Variants in IMMP2L observed in about 807,000 individuals in gnomAD.
IMMP2L encodes the protein inner mitochondrial membrane peptidase subunit 2, also known as mitochondrial inner membrane protease subunit 2.
In IMMP2L, 18 loss-of-function variants were observed where a neutral mutation model predicts 19.3. The ratio of observed to expected loss-of-function variants is 0.93; its 90% CI spans 0.64 to 1.38. The LOEUF is 1.38. Ranked by LOEUF, IMMP2L falls within the 40% of genes most tolerant of loss-of-function variation. The pLI is 0.00. For missense variants in IMMP2L, 233 were observed against 218.2 expected, an observed-to-expected ratio of 1.07 and a Z score of -0.43; for synonymous variants, 76 against 73.0, an observed-to-expected ratio of 1.04 and a Z score of -0.21.
intron 4 of IMMP2L, among the ~76,000 whole-genome samples, chr7:110,904,258 T>C (rs1026632653): frequency 2.0e-5 from 3 of 152,218 alleles, no homozygotes; most frequent in Non-Finnish European, 2.9e-5. Context: ...TTAGTTGACA[T>C]AGTGCCACTC....
At chr7:111,168,963 T>C (rs1806136037) in intron 3 of IMMP2L, among the ~76,000 whole-genome samples, 1 of 151,892 alleles carries the variant, frequency 6.6e-6, no homozygotes, top group Non-Finnish European at 1.5e-5. Flanking sequence ...CATGTAATAG[T>C]GAAACAGCAA....
chr7:111,133,721 A>G (rs1759643727), intron 3 of IMMP2L, among the ~76,000 whole-genome samples: 1 of 152,014 alleles, frequency 6.6e-6, no homozygotes, highest in African/African-American at 2.4e-5. Flanking sequence ...AGCTTCCTCC[A>G]GAGGTAGAAA....
At chr7:110,719,546 T>C (rs1464188221) in intron 5 of IMMP2L, among the ~76,000 whole-genome samples, 2 of 152,328 alleles carry the variant, frequency 1.3e-5, no homozygotes, top group Admixed American at 6.5e-5. Flanking sequence ...TCAAAATATA[T>C]CCTAATATTT....
At chr7:111,309,974 C>T (rs1188391225) in intron 3 of IMMP2L, among the ~76,000 whole-genome samples, 1 of 152,100 alleles carries the variant, frequency 6.6e-6, no homozygotes, top group African/African-American at 2.4e-5. Flanking sequence ...GTGGCTCACA[C>T]CTGTAATCCC....
chr7:110,780,406 T>C (rs923128744), intron 5 of IMMP2L, among the ~76,000 whole-genome samples: 1 of 151,674 alleles, frequency 6.6e-6, no homozygotes, highest in East Asian at 1.9e-4. Context: ...TACTTGAAAA[T>C]AAGATTTTCT....
intron 3 of IMMP2L, among the ~76,000 whole-genome samples, chr7:111,116,437 C>T (rs182894399): frequency 3.3e-5 from 5 of 152,208 alleles, no homozygotes; most frequent in African/African-American, 9.6e-5. Flanking sequence ...CTCTAAAAGA[C>T]AGCATCCATT....
At chr7:110,918,828 T>C (rs1047909126) in intron 4 of IMMP2L, among the ~76,000 whole-genome samples, 1 of 152,194 alleles carries the variant, frequency 6.6e-6, no homozygotes, top group African/African-American at 2.4e-5. Flanking sequence ...ATTTCTCTAA[T>C]AATTTTAAAA....
intron 2 of IMMP2L, among the ~76,000 whole-genome samples, chr7:111,494,705 G>A (rs370172336): frequency 2.0e-5 from 3 of 152,000 alleles, no homozygotes; most frequent in East Asian, 1.9e-4. Flanking sequence ...GTTGCTACAA[G>A]AATTAAATGA....
chr7:110,793,266 C>T (rs1293246884), intron 5 of IMMP2L, among the ~76,000 whole-genome samples: 1 of 151,724 alleles, frequency 6.6e-6, no homozygotes, highest in Non-Finnish European at 1.5e-5. Flanking sequence ...CTAAAAACCT[C>T]CAAATTATCC....
At chr7:110,698,492 G>A (rs749221053) in intron 5 of IMMP2L, among the ~76,000 whole-genome samples, 37 of 152,154 alleles carry the variant, frequency 2.4e-4, no homozygotes, top group Non-Finnish European at 4.3e-4. Context: ...TGGATGAATG[G>A]AGCGATGAGA....
At chr7:111,265,786 A>T (rs898706932) in intron 3 of IMMP2L, among the ~76,000 whole-genome samples, 5 of 152,200 alleles carry the variant, frequency 3.3e-5, no homozygotes, top group African/African-American at 4.8e-5. Flanking sequence ...AGCTCTAAAA[A>T]TATGAGAAAG....
At chr7:111,415,274 A>T (rs1319335178) in intron 3 of IMMP2L, among the ~76,000 whole-genome samples, 2 of 151,688 alleles carry the variant, frequency 1.3e-5, no homozygotes, top group Non-Finnish European at 2.9e-5. Context: ...CAGTCACACA[A>T]TCCCCAAAAA....
intron 2 of IMMP2L, among the ~76,000 whole-genome samples, chr7:111,498,503 C>T (rs1843814105): frequency 6.6e-6 from 1 of 151,782 alleles, no homozygotes; most frequent in East Asian, 1.9e-4. Flanking sequence ...TGCTCAGAAC[C>T]ACTTTTCTGT....
chr7:110,779,781 T>C (rs895348959), intron 5 of IMMP2L, among the ~76,000 whole-genome samples: 4 of 151,850 alleles, frequency 2.6e-5, no homozygotes, highest in African/African-American at 7.3e-5. Flanking sequence ...TTTATTTTCC[T>C]GGCAGGATCT....
chr7:111,059,234 G>A (rs746992560), intron 3 of IMMP2L, among the ~76,000 whole-genome samples: 15 of 151,968 alleles, frequency 9.9e-5, no homozygotes, highest in Non-Finnish European at 2.1e-4. Context: ...CGCCTGCCTC[G>A]GCCTCTCAAA....
chr7:111,046,745 G>A (rs1054439726), intron 3 of IMMP2L, among the ~76,000 whole-genome samples: 1 of 152,130 alleles, frequency 6.6e-6, no homozygotes, highest in Non-Finnish European at 1.5e-5. Flanking sequence ...ACCAAAGAAA[G>A]GGAACAAGGG....
chr7:110,736,758 C>T (rs1160001053), intron 5 of IMMP2L, among the ~76,000 whole-genome samples: 1 of 152,120 alleles, frequency 6.6e-6, no homozygotes, highest in Non-Finnish European at 1.5e-5. Flanking sequence ...ATTTTGGAAG[C>T]AAAAACTTGT....
intron 3 of IMMP2L, among the ~76,000 whole-genome samples, chr7:111,013,223 T>G (rs2129564034): frequency 6.6e-6 from 1 of 152,244 alleles, no homozygotes; most frequent in Middle Eastern, 3.4e-3. Context: ...AACTTCAGTA[T>G]TAGTACTAAG....
chr7:111,312,223 G>A (rs996940732), intron 3 of IMMP2L, among the ~76,000 whole-genome samples: 20 of 152,098 alleles, frequency 1.3e-4, no homozygotes, highest in African/African-American at 4.3e-4. Context: ...TAAAGCACTG[G>A]GGAAACTGCA....
Sources: gnomAD v4.1 joint callset for allele counts (sites outside exome capture counted in the v4.1 genomes callset) on GRCh38, gnomAD v4.1.1 for gene constraint, MANE v1.5 for transcripts, NCBI Gene and HGNC (gene_info 2026-07-23, HGNC 2026-07-21) for gene names.